NCAM1: variants seen among roughly 807,000 people sequenced by gnomAD.
The protein encoded by NCAM1 is neural cell adhesion molecule 1, also known as antigen recognized by monoclonal antibody 5.1H11.
In NCAM1, 14 loss-of-function variants were observed where a neutral mutation model predicts 109.8. That is an observed-to-expected ratio of 0.13 (90% confidence interval 0.08 to 0.20). The LOEUF (loss-of-function observed/expected upper bound fraction) is 0.20. Ranked by LOEUF, NCAM1 falls within the 10% of genes least tolerant of loss-of-function variation. The pLI is 1.00. For missense variants in NCAM1, 774 were observed against 1,109.9 expected, an observed-to-expected ratio of 0.70 and a Z score of 4.30; for synonymous variants, 418 against 442.9, an observed-to-expected ratio of 0.94 and a Z score of 0.70.
chr11:112,968,331 G>A (rs1020386858), intron 1 of NCAM1, among the ~76,000 whole-genome samples: 4 of 152,188 alleles, frequency 2.6e-5, no homozygotes, highest in African/African-American at 9.7e-5. Flanking sequence ...TTATTCAAAT[G>A]AGTGAGATGT....
intron 8 of NCAM1, 90 bp from the exon 9 acceptor site, chr11:113,221,206 G>A: frequency 7.7e-7 from 1 of 1,298,026 alleles, no homozygotes. Context: ...AGCTGCATGT[G>A]CACGGAATGC....
chr11:113,108,227 T>G (rs1340210939), intron 1 of NCAM1, among the ~76,000 whole-genome samples: 1 of 152,192 alleles, frequency 6.6e-6, no homozygotes, highest in African/African-American at 2.4e-5. Context: ...AAAATGGGCT[T>G]AATTTACCTT....
At chr11:112,990,118 A>G (rs907104233) in intron 1 of NCAM1, among the ~76,000 whole-genome samples, 7 of 152,112 alleles carry the variant, frequency 4.6e-5, no homozygotes, top group Non-Finnish European at 8.8e-5. Context: ...CTCTGGATGG[A>G]CTGGACTGTC....
At chr11:113,244,050 T>A (rs1311599073) in intron 14 of NCAM1, among the ~76,000 whole-genome samples, 2 of 152,094 alleles carry the variant, frequency 1.3e-5, no homozygotes, top group Admixed American at 1.3e-4. Flanking sequence ...TGGGTTTAAT[T>A]CAGATTATGA....
At chr11:113,007,595 C>T (rs1329104960) in intron 1 of NCAM1, among the ~76,000 whole-genome samples, 3 of 152,166 alleles carry the variant, frequency 2.0e-5, no homozygotes, top group African/African-American at 7.2e-5. Context: ...ATTTTGAAAA[C>T]GAGATGGCTT....
At chr11:113,097,037 C>A (rs1555090579) in intron 1 of NCAM1, among the ~76,000 whole-genome samples, 1 of 152,158 alleles carries the variant, frequency 6.6e-6, no homozygotes, top group Non-Finnish European at 1.5e-5. Context: ...TTACAAGTAT[C>A]CTATCTAATG....
intron 1 of NCAM1, among the ~76,000 whole-genome samples, chr11:113,052,864 C>T (rs1458308079): frequency 1.3e-5 from 2 of 152,112 alleles, no homozygotes; most frequent in Admixed American, 6.5e-5. Context: ...ACCCACCCCC[C>T]GACAGGGCCC....
chr11:113,193,880 C>G (rs1200306428), intron 1 of NCAM1, among the ~76,000 whole-genome samples: 1 of 152,126 alleles, frequency 6.6e-6, no homozygotes, highest in Non-Finnish European at 1.5e-5. Flanking sequence ...AAATTAGTCA[C>G]GTTTTCTAGC....
chr11:113,065,868 T>C (rs1265252840), intron 1 of NCAM1, among the ~76,000 whole-genome samples: 2 of 152,216 alleles, frequency 1.3e-5, no homozygotes, highest in Non-Finnish European at 2.9e-5. Flanking sequence ...AAATATACCA[T>C]GCTAATATAA....
intron 1 of NCAM1, among the ~76,000 whole-genome samples, chr11:113,115,979 T>A (rs1244028940): frequency 1.3e-5 from 2 of 152,210 alleles, no homozygotes; most frequent in Non-Finnish European, 2.9e-5. Context: ...GTTTAATTCT[T>A]TCTCTCATAA....
At chr11:113,250,994 T>G (rs953463696) in intron 15 of NCAM1, among the ~76,000 whole-genome samples, 2 of 152,150 alleles carry the variant, frequency 1.3e-5, no homozygotes, top group Non-Finnish European at 1.5e-5. Context: ...AGAGATGGGG[T>G]TTCACCATGT....
intron 1 of NCAM1, among the ~76,000 whole-genome samples, chr11:112,987,568 C>A (rs1951341834): frequency 6.6e-6 from 1 of 152,072 alleles, no homozygotes; most frequent in African/African-American, 2.4e-5. Flanking sequence ...TTTAGGTGCT[C>A]TGATGGTGGG....
chr11:113,260,380 C>A, intron 17 of NCAM1, 57 bp downstream of exon 17: 1 of 1,553,618 alleles, frequency 6.4e-7, no homozygotes, highest in Non-Finnish European at 8.8e-7. Flanking sequence ...ACAAGTGCTG[C>A]ACCTCCTAAT....
chr11:113,216,441 C>G (rs181061452), intron 8 of NCAM1, among the ~76,000 whole-genome samples: 1 of 152,154 alleles, frequency 6.6e-6, no homozygotes, highest in South Asian at 2.1e-4. Context: ...CGTGAGCCAC[C>G]GCGCCCGGCC....
At chr11:113,224,221 G>A (rs1373679729) in intron 9 of NCAM1, among the ~76,000 whole-genome samples, 1 of 152,198 alleles carries the variant, frequency 6.6e-6, no homozygotes, top group Non-Finnish European at 1.5e-5. Flanking sequence ...GAAAAATTGG[G>A]TCATTCCCAC....
intron 1 of NCAM1, among the ~76,000 whole-genome samples, chr11:112,990,756 A>G (rs1250779765): frequency 2.0e-5 from 3 of 152,174 alleles, no homozygotes; most frequent in African/African-American, 7.2e-5. Context: ...CTGAGTCCAC[A>G]GGAGTATGGA....
chr11:113,271,034 CACATGCCAGGCACTGT>C (rs549304008), intron 18 of NCAM1, among the ~76,000 whole-genome samples: 2 of 152,050 alleles, frequency 1.3e-5, no homozygotes, highest in South Asian at 4.2e-4. Context: ...TTAGCACCAC[CACATGCCAGGCACTGT>C]ATATGCATAT....
rs1258311242 is a variant in NCAM1, at chr11:113,274,011, G to A, written c.2457-1256G>A. 2 of 155,838 alleles carry A rather than the reference G, an allele frequency of 1.3e-5. No individual in the cohort carries two copies. The highest frequency in any genetic ancestry group is 2.4e-5 in the African/African-American group (1 of 41,644). The allele number at this position is 155,838 out of a possible 1,614,324, so 9.7% of individuals were successfully genotyped here. A position where few individuals can be genotyped will look rare whatever the true frequency, so the allele number is the denominator to read the frequency against. On this transcript the variant is annotated intron_variant, in intron 19 of 19. Coordinates refer to ENST00000316851, the MANE Select transcript of NCAM1 (RefSeq NM_181351.5). This position sits in a 1 kb window ranked among gnomAD's most constrained non-coding sequence, Gnocchi z 4.1. The stretch of plus-strand genomic sequence containing the variant: ...GCAGCGGCTTCTGTTTTCCCTGGGG[G>A]AGCCCTTGCAGTCAGGCCACTGATG...
intron 1 of NCAM1, among the ~76,000 whole-genome samples, chr11:113,191,781 A>G (rs2136726268): frequency 6.6e-6 from 1 of 152,102 alleles, no homozygotes; most frequent in African/African-American, 2.4e-5. Context: ...GTGTATATAT[A>G]TATATATATA....
Sources: gnomAD v4.1 joint callset for allele counts (sites outside exome capture counted in the v4.1 genomes callset) on GRCh38, gnomAD v4.1.1 for gene constraint, Gnocchi (gnomAD v3.1) non-coding constraint, MANE v1.5 for transcripts, NCBI Gene and HGNC (gene_info 2026-07-23, HGNC 2026-07-21) for gene names.